DYNC1I2: variants seen among roughly 807,000 people sequenced by gnomAD.
DYNC1I2 encodes the protein cytoplasmic dynein 1 intermediate chain 2.
In DYNC1I2, 53 loss-of-function variants were observed where a neutral mutation model predicts 88.6. The ratio of observed to expected loss-of-function variants is 0.60; its 90% confidence interval spans 0.48 to 0.75. DYNC1I2 has a LOEUF of 0.75. Among genes scored for constraint, DYNC1I2 ranks in the 30% least tolerant of loss-of-function variants. The pLI, the probability that DYNC1I2 is intolerant of heterozygous loss-of-function variation, is 0.00. For synonymous variants in DYNC1I2, 198 were observed against 254.6 expected (o/e 0.78, Z 2.12); for missense variants, 458 against 766.6 (o/e 0.60, Z 4.75).
intron 5 of DYNC1I2, among the ~76,000 whole-genome samples, chr2:171,710,126 C>CACACAT: frequency 2.2e-5 from 1 of 46,078 alleles, no homozygotes; most frequent in South Asian, 5.5e-4. Flanking sequence ...TATATATACA[C>CACACAT]ACACACACAC....
intron 3 of DYNC1I2, among the ~76,000 whole-genome samples, chr2:171,695,049 A>G (rs1685662732): frequency 6.6e-6 from 1 of 151,428 alleles, no homozygotes; most frequent in South Asian, 2.1e-4. Flanking sequence ...TCTCATTCCC[A>G]CTAATGCATT....
At chr2:171,725,565 A>G in intron 7 of DYNC1I2, 53 bp from the exon 8 acceptor site, 1 of 1,117,018 alleles carries the variant, frequency 9.0e-7, no homozygotes, top group Non-Finnish European at 1.2e-6. Context: ...AAAATAATTT[A>G]TTATATCATT....
intron 15 of DYNC1I2, among the ~76,000 whole-genome samples, chr2:171,740,771 TAA>T (rs1260256250): frequency 6.6e-6 from 1 of 152,176 alleles, no homozygotes; most frequent in African/African-American, 2.4e-5. Flanking sequence ...TCTTTTAAAA[TAA>T]GTTTCTTTTT....
At chr2:171,690,106 C>A in intron 1 of DYNC1I2, 41 bp from the exon 2 acceptor site, 2 of 1,309,386 alleles carry the variant, frequency 1.5e-6, no homozygotes, top group Non-Finnish European at 2.1e-6. Flanking sequence ...GTTTTTTCAA[C>A]TGTGCTGCTT....
intron 15 of DYNC1I2, among the ~76,000 whole-genome samples, chr2:171,731,281 C>T (rs975243240): frequency 2.0e-5 from 3 of 152,174 alleles, no homozygotes; most frequent in Non-Finnish European, 4.4e-5. Context: ...ATCTAGCTAG[C>T]ACAGGCTGAG....
chr2:171,739,161 TATC>T (rs1689226822), intron 15 of DYNC1I2, among the ~76,000 whole-genome samples: 1 of 151,950 alleles, frequency 6.6e-6, no homozygotes, highest in Non-Finnish European at 1.5e-5. Flanking sequence ...TTGGTGGTGT[TATC>T]AGGGAGAGTG....
At chr2:171,709,261 T>C (rs1425798336) in intron 5 of DYNC1I2, among the ~76,000 whole-genome samples, 1 of 152,208 alleles carries the variant, frequency 6.6e-6, no homozygotes, top group Non-Finnish European at 1.5e-5. Flanking sequence ...CTTAAGTTTT[T>C]TAAATTAATG....
chr2:171,714,877 C>T (rs577559122), intron 6 of DYNC1I2, among the ~76,000 whole-genome samples: 147 of 152,194 alleles, frequency 9.7e-4, no homozygotes, highest in African/African-American at 3.3e-3. Flanking sequence ...TCAACAGAAA[C>T]CTGTTTTTCA....
At chr2:171,697,557 C>A (rs981117898) in intron 3 of DYNC1I2, among the ~76,000 whole-genome samples, 1 of 151,904 alleles carries the variant, frequency 6.6e-6, no homozygotes, top group African/African-American at 2.4e-5. Flanking sequence ...ACCTGTCATC[C>A]CATTACTTTG....
At chr2:171,691,240 C>T (rs1685384439) in intron 2 of DYNC1I2, among the ~76,000 whole-genome samples, 1 of 152,112 alleles carries the variant, frequency 6.6e-6, no homozygotes, top group South Asian at 2.1e-4. Flanking sequence ...CAAAAATATG[C>T]ATCACATTAT....
chr2:171,737,709 C>T (rs1689109595), intron 15 of DYNC1I2, among the ~76,000 whole-genome samples: 1 of 152,106 alleles, frequency 6.6e-6, no homozygotes, highest in Admixed American at 6.6e-5. Flanking sequence ...TGAGCCACCA[C>T]ACCCAGCCTT....
At chr2:171,747,207 T>TATATA (rs1491354708) in intron 17 of DYNC1I2, among the ~76,000 whole-genome samples, 44 of 124,660 alleles carry the variant, frequency 3.5e-4, no homozygotes, top group African/African-American at 1.2e-3. Context: ...AAAAAAAAAA[T>TATATA]TATATATATA....
chr2:171,721,622 G>A (rs1265118980), intron 7 of DYNC1I2, among the ~76,000 whole-genome samples: 1 of 152,110 alleles, frequency 6.6e-6, no homozygotes, highest in African/African-American at 2.4e-5. Flanking sequence ...TTATTCATAA[G>A]TTGAATTTTT....
At chr2:171,704,287 G>A (rs1207279959) in intron 3 of DYNC1I2, among the ~76,000 whole-genome samples, 1 of 150,528 alleles carries the variant, frequency 6.6e-6, no homozygotes, top group Non-Finnish European at 1.5e-5. Flanking sequence ...AAGAAGTACA[G>A]TCTTTCTCAC....
At position 171,728,832 on chromosome 2, in the gene DYNC1I2, C is replaced by T. The variant is rs765922762; in HGVS notation, c.1373C>T (p.Thr458Ile). ...GGGAGTGAAGAAGGTTCTGTGTACA[C>T]AGCATGCCGCCATGGCAGGTAAACC... is the stretch of plus-strand genomic sequence containing the variant. ...VVGSEEGSVY[T>I]ACRHGSKAGI... is the part of the protein sequence containing the mutation. Residue 458 changes from threonine (T) to isoleucine (I), a missense_variant, in exon 14 of 18, where the codon ACA (threonine) becomes ATA (isoleucine). Transcript: ENST00000397119. 66 of 1,609,000 alleles carry T rather than the reference C, an allele frequency of 4.1e-5. No homozygotes were observed. In the African/African-American group the frequency reaches 7.4e-4, roughly 18 times the overall value.
At chr2:171,697,372 C>T (rs1326780542) in intron 3 of DYNC1I2, among the ~76,000 whole-genome samples, 4 of 152,062 alleles carry the variant, frequency 2.6e-5, no homozygotes, top group Non-Finnish European at 5.9e-5. Context: ...CTTTTTGCCT[C>T]ATGATATCTA....
intron 7 of DYNC1I2, among the ~76,000 whole-genome samples, chr2:171,718,160 G>A (rs1687648707): frequency 6.6e-6 from 1 of 152,064 alleles, no homozygotes; most frequent in South Asian, 2.1e-4. Context: ...GTCTCGCCAT[G>A]TTGGCCACGC....
Position 171,726,375 on chromosome 2 carries a change from T to G in DYNC1I2, c.870+82T>G, listed in dbSNP as rs112612557. The G allele has an allele frequency of 2.5e-3, 2,397 of 961,808 alleles. 11 individuals are homozygous for G. Among genetic ancestry groups the G allele is most frequent in the Non-Finnish European group, 3.3e-3 (2,124 of 652,166 alleles). 59.6% of individuals were successfully genotyped at this position (961,808 alleles called of 1,614,324 possible). On this transcript the variant is annotated intron_variant, in intron 10 of 17. Coordinates refer to ENST00000397119, the MANE Select transcript of DYNC1I2 (RefSeq NM_001378.3). Reference sequence around the variant, plus strand: ...GTCATTTTATTTTAATTATGGGAATTTTGTATAATAAATCAATATGTGTTA... The same window carrying G: ...GTCATTTTATTTTAATTATGGGAATGTTGTATAATAAATCAATATGTGTTA...
intron 7 of DYNC1I2, among the ~76,000 whole-genome samples, chr2:171,720,307 T>G (rs144378656): frequency 6.6e-6 from 1 of 152,326 alleles, no homozygotes; most frequent in African/African-American, 2.4e-5. Flanking sequence ...GCCAGATATG[T>G]TTTCTTCAAT....
Sources: allele counts gnomAD v4.1 joint callset (sites outside exome capture counted in the v4.1 genomes callset), GRCh38; gene constraint gnomAD v4.1.1; transcripts MANE v1.5; gene names NCBI Gene and HGNC (gene_info 2026-07-23, HGNC 2026-07-21).